Variants in PITPNA observed in about 807,000 individuals in gnomAD.
PITPNA encodes the protein phosphatidylinositol transfer protein alpha, also known as phosphatidylinositol transfer protein alpha isoform.
PITPNA carries 13 observed loss-of-function variants against 50.3 expected under a neutral mutation model. The observed-to-expected ratio is 0.26, with a 90% CI of 0.17 to 0.41. The LOEUF (loss-of-function observed/expected upper bound fraction) is 0.41. Ranked by LOEUF, PITPNA falls within the 10% of genes least tolerant of loss-of-function variation. The probability of loss-of-function intolerance (pLI) is 1.00; values close to 1 mark genes in which losing one functional copy is unlikely to be tolerated. For synonymous variants in PITPNA, 120 were observed against 119.6 expected (o/e 1.00, Z -0.02); for missense variants, 207 against 333.4 (o/e 0.62, Z 2.95).
intron 1 of PITPNA, among the ~76,000 whole-genome samples, chr17:1,559,283 C>A (rs1005612120): frequency 6.6e-6 from 1 of 152,338 alleles, no homozygotes; most frequent in Admixed American, 6.5e-5. Flanking sequence ...TTATCATTTT[C>A]TTTTCTTCTT....
intron 4 of PITPNA, among the ~76,000 whole-genome samples, chr17:1,544,518 C>T (rs1290401314): frequency 6.6e-6 from 1 of 152,244 alleles, no homozygotes; most frequent in Non-Finnish European, 1.5e-5. Context: ...CCCAGGCCCT[C>T]AAACACCTCT....
intron 2 of PITPNA, among the ~76,000 whole-genome samples, chr17:1,557,116 C>G (rs2075738828): frequency 6.6e-6 from 1 of 152,116 alleles, no homozygotes; most frequent in African/African-American, 2.4e-5. Flanking sequence ...CTCCCTGGTT[C>G]CCAGGTTCCC....
intron 2 of PITPNA, among the ~76,000 whole-genome samples, chr17:1,557,830 C>A (rs1323574972): frequency 1.3e-5 from 2 of 152,180 alleles, no homozygotes; most frequent in African/African-American, 4.8e-5. Flanking sequence ...GGGAGAGCCT[C>A]AAGAGATTTC....
rs142602395 is a variant in PITPNA at position 1,556,089 on chromosome 17, T to C, written c.51+2440A>G. 7.0e-3 allele frequency among the ~76,000 whole-genome samples: 1,071 copies of C among 152,300 alleles called. 13 individuals carry two copies. Among genetic ancestry groups the C allele is most frequent in the African/African-American group, 0.024 (1,003 of 41,568 alleles). ...GATGCTGAGCTGTTCCCATAGAAAC[T>C]GTTAAGTCAGGATGGGGATGGGGTT... On this transcript the variant is annotated intron_variant, in intron 2 of 11. Transcript: ENST00000313486.
At chr17:1,552,979 C>T (rs763009843) in intron 3 of PITPNA, 25 bp downstream of exon 3, 16 of 1,611,092 alleles carry the variant, frequency 9.9e-6, no homozygotes, top group African/African-American at 5.3e-5. Context: ...AGCCAGCATC[C>T]GGCCCCGCTG....
intron 9 of PITPNA, among the ~76,000 whole-genome samples, chr17:1,534,929 T>C (rs894413071): frequency 6.6e-6 from 1 of 152,216 alleles, no homozygotes; most frequent in African/African-American, 2.4e-5. Flanking sequence ...AACCCTGTCA[T>C]GCAGGCCACA....
Position 1,562,064 on chromosome 17 carries a change from G to C in PITPNA, c.20+477C>G, listed in dbSNP as rs1411064298. Among the ~76,000 whole-genome samples the C allele has an allele frequency of 6.6e-6, 1 of 151,954 alleles. No individual in the cohort carries two copies. Among genetic ancestry groups the C allele is most frequent in the African/African-American group, 2.4e-5 (1 of 41,378 alleles). ...CGACCCCACAGCACTCCCAGCGCTC[G>C]GCGTCCCCTCGGCCTCCCCCAGTCC... On this transcript the variant is annotated intron_variant, in intron 1 of 11. Coordinates refer to ENST00000313486, the MANE Select transcript of PITPNA (RefSeq NM_006224.4). This position sits in a 1 kb window ranked among gnomAD's most constrained non-coding sequence, Gnocchi z 6.4.
rs1166360985 is a variant in PITPNA, at chr17:1,517,865, A to G, written c.*2696T>C. 3.3e-5 allele frequency: 5 copies of G among 152,522 alleles called. No homozygotes were observed. The highest frequency in any genetic ancestry group is 3.3e-4 in the Admixed American group (5 of 15,272). The allele number at this position is 152,522 out of a possible 1,614,324, so 9.4% of individuals were successfully genotyped here. A position where few individuals can be genotyped will look rare whatever the true frequency, so the allele number is the denominator to read the frequency against. On this transcript the variant is annotated 3_prime_UTR_variant, in exon 12 of 12. Transcript: ENST00000313486. ...TATTATATGCAGAAATCCACGTGCA[A>G]AAATTTTCAGACACACCTTTGTACC...
chr17:1,526,662 C>T (rs960261162), intron 10 of PITPNA, among the ~76,000 whole-genome samples: 20 of 152,180 alleles, frequency 1.3e-4, no homozygotes, highest in African/African-American at 3.6e-4. Flanking sequence ...GTTTTCCCAC[C>T]GCTTGAAATA....
intron 1 of PITPNA, among the ~76,000 whole-genome samples, chr17:1,560,448 G>C (rs1176157417): frequency 6.6e-6 from 1 of 152,204 alleles, no homozygotes; most frequent in East Asian, 1.9e-4. Flanking sequence ...CGGGGCACGA[G>C]TCGGGCAGGA....
intron 10 of PITPNA, among the ~76,000 whole-genome samples, chr17:1,523,813 G>A (rs2075529342): frequency 2.0e-5 from 3 of 150,852 alleles, no homozygotes; most frequent in Non-Finnish European, 4.4e-5. Context: ...CCAGCCACCT[G>A]GCTGATTTTT....
intron 10 of PITPNA, among the ~76,000 whole-genome samples, chr17:1,526,277 T>TA (rs1426273093): frequency 6.6e-6 from 1 of 152,192 alleles, no homozygotes; most frequent in Non-Finnish European, 1.5e-5. Flanking sequence ...GATCAGCCTA[T>TA]AACCTCCACA....
At chr17:1,559,692 T>G in intron 1 of PITPNA, 1 of 824,492 alleles carries the variant, frequency 1.2e-6, no homozygotes, top group South Asian at 5.5e-5. Flanking sequence ...ACAGCTATTT[T>G]CTAGTTCCAC....
rs1364153160 is a variant in PITPNA, at chr17:1,518,985, C to T, written c.*1576G>A. Reference sequence around the variant, plus strand: ...ACAAGACATCTGGTTCCAAAGGGACCTCAATGAAGGTCAGCGCTAACCATG... The same window carrying T: ...ACAAGACATCTGGTTCCAAAGGGACTTCAATGAAGGTCAGCGCTAACCATG... On this transcript the variant is annotated 3_prime_UTR_variant, in exon 12 of 12. Coordinates refer to ENST00000313486, the MANE Select transcript of PITPNA (RefSeq NM_006224.4). 2.0e-5 allele frequency: 3 copies of T among 152,192 alleles called. No individual in the cohort carries two copies. Among genetic ancestry groups the T allele is most frequent in the Non-Finnish European group, 4.4e-5 (3 of 68,048 alleles). 9.4% of individuals were successfully genotyped at this position (152,192 alleles called of 1,614,324 possible). A position where few individuals can be genotyped will look rare whatever the true frequency, so the allele number is the denominator to read the frequency against.
intron 1 of PITPNA, chr17:1,559,653 C>T (rs750905572): frequency 4.9e-6 from 2 of 408,188 alleles, no homozygotes; most frequent in South Asian, 1.0e-4. Context: ...GCCGGCTCAC[C>T]ACTCAGGCTC....
intron 11 of PITPNA, among the ~76,000 whole-genome samples, chr17:1,521,297 GCAGA>G (rs1208345216): frequency 6.6e-6 from 1 of 152,116 alleles, no homozygotes; most frequent in African/African-American, 2.4e-5. Flanking sequence ...GATCAAGCTG[GCAGA>G]CAGGAGGAGT....
chr17:1,560,467 C>T (rs1396891557), intron 1 of PITPNA, among the ~76,000 whole-genome samples: 1 of 152,206 alleles, frequency 6.6e-6, no homozygotes. Flanking sequence ...GAAGGAAACG[C>T]AGATACCAGG....
intron 3 of PITPNA, among the ~76,000 whole-genome samples, chr17:1,549,447 G>T (rs1207856398): frequency 1.3e-5 from 2 of 151,080 alleles, no homozygotes; most frequent in African/African-American, 2.4e-5. Flanking sequence ...CTCCCGAGTA[G>T]AAGGGACTAC....
intron 1 of PITPNA, chr17:1,561,224 C>T (rs536073462): frequency 1.4e-4 from 21 of 152,410 alleles, no homozygotes; most frequent in African/African-American, 4.8e-4. Flanking sequence ...TCAACGATGG[C>T]TCATCTTGTA....
Sources: gnomAD v4.1 joint callset for allele counts (sites outside exome capture counted in the v4.1 genomes callset) on GRCh38, gnomAD v4.1.1 for gene constraint, Gnocchi (gnomAD v3.1) non-coding constraint, MANE v1.5 for transcripts, NCBI Gene and HGNC (gene_info 2026-07-23, HGNC 2026-07-21) for gene names.